Variants in TAFA2 observed in about 807,000 individuals in gnomAD.
TAFA2 encodes the protein TAFA chemokine like family member 2.
In TAFA2, 7 loss-of-function variants were observed where a neutral mutation model predicts 18.8. The ratio of observed to expected loss-of-function variants is 0.37; its 90% CI spans 0.21 to 0.70. The LOEUF is 0.70. Among genes scored for constraint, TAFA2 ranks in the 30% least tolerant of loss-of-function variants. The pLI is 0.53. For missense variants in TAFA2, 122 were observed against 158.1 expected (o/e 0.77, Z 1.23); for synonymous variants, 60 against 54.2 (o/e 1.11, Z -0.47).
intron 1 of TAFA2, among the ~76,000 whole-genome samples, chr12:62,155,844 G>A (rs1565763386): frequency 6.6e-6 from 1 of 152,182 alleles, no homozygotes; most frequent in African/African-American, 2.4e-5. Flanking sequence ...GAAAATCTTA[G>A]AAGATAACAT....
intron 1 of TAFA2, among the ~76,000 whole-genome samples, chr12:62,004,163 T>C (rs1880469701): frequency 6.6e-6 from 1 of 152,150 alleles, no homozygotes; most frequent in African/African-American, 2.4e-5. Flanking sequence ...TTATTTTATC[T>C]TAAATACCAA....
At chr12:62,205,074 G>T (rs906939396) in intron 1 of TAFA2, among the ~76,000 whole-genome samples, 4 of 152,144 alleles carry the variant, frequency 2.6e-5, no homozygotes, top group Admixed American at 6.5e-5. Flanking sequence ...TAACAGTCAG[G>T]CCCCTTTTCC....
chr12:62,063,824 A>G (rs348656), intron 1 of TAFA2, among the ~76,000 whole-genome samples: 127,212 of 151,682 alleles, frequency 0.84, 53,577 homozygotes, highest in Middle Eastern at 0.87. Context: ...TATAAAGAAA[A>G]CCAATGGTTT....
chr12:62,112,896 G>C (rs941296998), intron 1 of TAFA2, among the ~76,000 whole-genome samples: 2 of 151,792 alleles, frequency 1.3e-5, no homozygotes, highest in African/African-American at 2.4e-5. Context: ...CTTTTATCAG[G>C]GTTCTTAGCT....
rs66467365 is a variant in TAFA2 at position 62,104,276 on chromosome 12, C to CAA, written c.-2+86981_-2+86982dup. On this transcript the variant is annotated intron_variant, in intron 1 of 4. Transcript: ENST00000416284. ...AATTTGGAATGCTGTTCTTCTGAAGCAAAAAAAAAAAAAGCTAATGTAATG... is the reference window on the plus strand; with the variant it reads ...AATTTGGAATGCTGTTCTTCTGAAGCAAAAAAAAAAAAAAAGCTAATGTAATG... 3.4e-5 allele frequency among the ~76,000 whole-genome samples: 5 copies of CAA among 145,848 alleles called. No homozygotes were observed. In the East Asian group the frequency reaches 6.0e-4, roughly 17 times the overall value.
intron 1 of TAFA2, among the ~76,000 whole-genome samples, chr12:62,132,016 A>G (rs1382124812): frequency 1.3e-5 from 2 of 151,824 alleles, no homozygotes; most frequent in African/African-American, 4.8e-5. Context: ...AAAATAGGAA[A>G]TGGTATGTTA....
intron 1 of TAFA2, among the ~76,000 whole-genome samples, chr12:61,876,453 C>T (rs753207371): frequency 2.6e-5 from 4 of 152,124 alleles, no homozygotes; most frequent in Non-Finnish European, 5.9e-5. Flanking sequence ...TGCATTTAAC[C>T]ATCCAGTATG....
rs921517673 is a variant in TAFA2 at position 61,973,263 on chromosome 12, A to C, written c.-1-105837T>G. Among the ~76,000 whole-genome samples the C allele has an allele frequency of 1.1e-4, 16 of 151,690 alleles. 1 individual carries two copies. The highest frequency in any genetic ancestry group is 3.9e-4 in the African/African-American group (16 of 41,462). On this transcript the variant is annotated intron_variant, in intron 1 of 4. Transcript: ENST00000416284. ...GAGCTCCAAGTGCCCTAATCCCCTCACTTATACAATGTGAACAGTCCTGCT... is the reference window on the plus strand; with the variant it reads ...GAGCTCCAAGTGCCCTAATCCCCTCCCTTATACAATGTGAACAGTCCTGCT...
At chr12:61,836,756 T>TATATATATATATATATATATATATACAC (rs68158949) in intron 2 of TAFA2, among the ~76,000 whole-genome samples, 207 of 119,670 alleles carry the variant, frequency 1.7e-3, no homozygotes, top group Middle Eastern at 5.4e-3. Context: ...TATATATATA[T>TATATATATATATATATATATATATACAC]ACACACACAC....
intron 2 of TAFA2, among the ~76,000 whole-genome samples, chr12:61,816,879 T>C (rs12581923): frequency 0.3 from 44,880 of 150,400 alleles, 7,454 homozygotes; most frequent in South Asian, 0.4. Context: ...AAAGATATTG[T>C]CTAACTTTTT....
At chr12:61,758,045 TAA>T (rs1427147298) in intron 2 of TAFA2, among the ~76,000 whole-genome samples, 1 of 152,058 alleles carries the variant, frequency 6.6e-6, no homozygotes, top group Non-Finnish European at 1.5e-5. Flanking sequence ...GAGTCATGTA[TAA>T]AGTGTTTAGG....
intron 1 of TAFA2, among the ~76,000 whole-genome samples, chr12:62,009,183 G>A (rs1371918): frequency 0.41 from 61,885 of 151,930 alleles, 13,208 homozygotes; most frequent in Non-Finnish European, 0.47. Flanking sequence ...AAAACACACT[G>A]CTTAAACAAA....
chr12:62,184,900 A>G (rs2062576064), intron 1 of TAFA2, among the ~76,000 whole-genome samples: 1 of 152,144 alleles, frequency 6.6e-6, no homozygotes, highest in African/African-American at 2.4e-5. Flanking sequence ...TCATGGCCAC[A>G]TGGTTATTTA....
intron 1 of TAFA2, among the ~76,000 whole-genome samples, chr12:61,925,693 G>A (rs1877258692): frequency 6.6e-6 from 1 of 152,040 alleles, no homozygotes; most frequent in Admixed American, 6.6e-5. Flanking sequence ...CTGTGACACA[G>A]CTAAAGTAGT....
intron 1 of TAFA2, among the ~76,000 whole-genome samples, chr12:62,049,377 CA>C (rs1199929036): frequency 6.6e-6 from 1 of 152,160 alleles, no homozygotes; most frequent in Non-Finnish European, 1.5e-5. Flanking sequence ...CCTACACTCA[CA>C]AAGAAACATT....
At chr12:62,132,409 C>T (rs1361742995) in intron 1 of TAFA2, among the ~76,000 whole-genome samples, 1 of 151,822 alleles carries the variant, frequency 6.6e-6, no homozygotes, top group Non-Finnish European at 1.5e-5. Context: ...GACCCTATCC[C>T]CAGCTCCAAG....
intron 1 of TAFA2, among the ~76,000 whole-genome samples, chr12:62,100,561 T>A (rs1869150251): frequency 6.6e-6 from 1 of 152,174 alleles, no homozygotes; most frequent in Non-Finnish European, 1.5e-5. Context: ...ACCTGTTAGA[T>A]CACTTGAAAA....
At chr12:61,856,334 T>C (rs1249019303) in intron 2 of TAFA2, among the ~76,000 whole-genome samples, 2 of 152,004 alleles carry the variant, frequency 1.3e-5, no homozygotes, top group East Asian at 3.8e-4. Context: ...CAGTGTCTAC[T>C]AATACAATGA....
intron 2 of TAFA2, among the ~76,000 whole-genome samples, chr12:61,806,458 G>A (rs1871617482): frequency 6.6e-6 from 1 of 152,172 alleles, no homozygotes; most frequent in Non-Finnish European, 1.5e-5. Context: ...AAATTTCCCA[G>A]TCTTGGGTAT....
Sources: allele counts gnomAD v4.1 joint callset (sites outside exome capture counted in the v4.1 genomes callset), GRCh38; gene constraint gnomAD v4.1.1; transcripts MANE v1.5; gene names NCBI Gene and HGNC (gene_info 2026-07-23, HGNC 2026-07-21).